The following C4orf36 variants were observed in gnomAD, a reference collection of about 807,000 sequenced individuals.
C4orf36 encodes uncharacterized protein C4orf36.
A neutral mutation model predicts 12.2 loss-of-function variants in C4orf36; 11 were observed. The ratio of observed to expected loss-of-function variants is 0.90; its 90% confidence interval spans 0.57 to 1.49. C4orf36 has a LOEUF of 1.49. Among genes scored for constraint, C4orf36 ranks in the 40% most tolerant of loss-of-function variants. The pLI is 0.00. For synonymous variants in C4orf36, 54 were observed against 51.3 expected, an observed-to-expected ratio of 1.05 and a Z score of -0.22; for missense variants, 137 against 133.9, an observed-to-expected ratio of 1.02 and a Z score of -0.11.
At chr4:86,886,972 G>T (rs13115222) in intron 4 of C4orf36, 1 of 152,054 alleles carries the variant, frequency 6.6e-6, no homozygotes, top group Admixed American at 6.5e-5. Flanking sequence ...AGGGACATGG[G>T]TGAAGCTGGA....
chr4:86,922,759 ACT>A, the C4orf36 span, among the ~76,000 whole-genome samples: 2 of 151,928 alleles, frequency 1.3e-5, no homozygotes, highest in Non-Finnish European at 2.9e-5. Flanking sequence ...TATCTGCAGC[ACT>A]CCAGTGAATT....
At chr4:86,916,209 G>A in the C4orf36 span, among the ~76,000 whole-genome samples, 1 of 152,096 alleles carries the variant, frequency 6.6e-6, no homozygotes, top group African/African-American at 2.4e-5. Flanking sequence ...TGAAACACTG[G>A]TGACAAAGAA....
chr4:86,876,598 G>A lies in C4orf36; in HGVS notation c.*3-155C>T, dbSNP rs1453827115. On this transcript the variant is annotated intron_variant, in intron 4 of 4. Transcript: ENST00000295898. Reference sequence around the variant, plus strand: ...AACCTGCAAAATCTTTACATACACAGAAGAACAGACAGTTCTTCAATGAAC... The same window carrying A: ...AACCTGCAAAATCTTTACATACACAAAAGAACAGACAGTTCTTCAATGAAC... 3 of 1,613,842 alleles carry A rather than the reference G, an allele frequency of 1.9e-6. No homozygotes were observed. In the African/African-American group the frequency reaches 4.0e-5, roughly 22 times the overall value.
chr4:86,895,260 G>T (rs1265843848), upstream of C4orf36, among the ~76,000 whole-genome samples: 1 of 152,016 alleles, frequency 6.6e-6, no homozygotes. Context: ...AGGCTGCTGT[G>T]AGCCATGATC....
the C4orf36 span, among the ~76,000 whole-genome samples, chr4:86,930,852 T>C: frequency 1.3e-5 from 2 of 152,224 alleles, no homozygotes; most frequent in Non-Finnish European, 2.9e-5. Context: ...ATACAGACAG[T>C]TATTTTAATT....
the C4orf36 span, among the ~76,000 whole-genome samples, chr4:86,915,983 C>T: frequency 6.6e-6 from 1 of 152,244 alleles, no homozygotes; most frequent in Non-Finnish European, 1.5e-5. Flanking sequence ...ACAGCATGGC[C>T]TGATGACATT....
At chr4:86,919,119 G>GGA in the C4orf36 span, among the ~76,000 whole-genome samples, 33,399 of 144,994 alleles carry the variant, frequency 0.23, 3,928 homozygotes, top group East Asian at 0.28. Flanking sequence ...CCCAGCTCCA[G>GGA]GAGAGAGAGA....
At chr4:86,876,666 T>C (rs1746935627) in intron 4 of C4orf36, 3 of 1,611,968 alleles carry the variant, frequency 1.9e-6, no homozygotes, top group African/African-American at 2.7e-5. Context: ...ACATACACAG[T>C]GTATCTTTCT....
chr4:86,910,241 C>T, the C4orf36 span, among the ~76,000 whole-genome samples: 18 of 151,742 alleles, frequency 1.2e-4, no homozygotes, highest in African/African-American at 1.7e-4. Flanking sequence ...CAGGAGTTTG[C>T]GTCTCTACTA....
At chr4:86,927,925 G>A in the C4orf36 span, among the ~76,000 whole-genome samples, 1 of 152,200 alleles carries the variant, frequency 6.6e-6, no homozygotes, top group African/African-American at 2.4e-5. Flanking sequence ...TCTGAGAGTG[G>A]AGGTTGCTGT....
At chr4:86,901,283 A>G in the C4orf36 span, among the ~76,000 whole-genome samples, 5 of 151,078 alleles carry the variant, frequency 3.3e-5, no homozygotes, top group Admixed American at 6.6e-5. Flanking sequence ...AGCCCGGCCA[A>G]TGGTTCTCTT....
At chr4:86,879,718 C>T (rs1009752382) in intron 4 of C4orf36, among the ~76,000 whole-genome samples, 6 of 152,106 alleles carry the variant, frequency 3.9e-5, no homozygotes, top group Non-Finnish European at 7.4e-5. Context: ...ACCAAAGTGA[C>T]CCAAACCAAA....
At chr4:86,882,533 C>G (rs1389525445) in intron 4 of C4orf36, among the ~76,000 whole-genome samples, 1 of 152,160 alleles carries the variant, frequency 6.6e-6, no homozygotes, top group Non-Finnish European at 1.5e-5. Context: ...GGAGCTATCA[C>G]AGCCCTCCTG....
At chr4:86,887,601 T>C (rs1578777435) in intron 4 of C4orf36, 157 bp downstream of exon 4, 1 of 701,448 alleles carries the variant, frequency 1.4e-6, no homozygotes, top group South Asian at 2.4e-5. Flanking sequence ...ACTCAGAAGA[T>C]CTGTCAGAAC....
At chr4:86,907,568 C>T in the C4orf36 span, among the ~76,000 whole-genome samples, 1 of 152,112 alleles carries the variant, frequency 6.6e-6, no homozygotes, top group African/African-American at 2.4e-5. Flanking sequence ...TGCTAAATCT[C>T]ATTAAGCTAC....
chr4:86,887,401 C>G (rs1217942400), intron 4 of C4orf36: 10 of 179,102 alleles, frequency 5.6e-5, no homozygotes, highest in Non-Finnish European at 1.0e-4. Context: ...TCTTTTGGTC[C>G]CTCCTTGGGA....
the C4orf36 span, chr4:86,914,068 G>A: frequency 1.1e-5 from 17 of 1,610,524 alleles, no homozygotes; most frequent in African/African-American, 1.3e-5. Context: ...ACTGTGGAGC[G>A]AATTGGCTTT....
At chr4:86,900,038 C>CTT in the C4orf36 span, among the ~76,000 whole-genome samples, 4 of 144,724 alleles carry the variant, frequency 2.8e-5, no homozygotes, top group Non-Finnish European at 1.5e-5. Flanking sequence ...TGATAGGCAG[C>CTT]TTTTTTTTTT....
At chr4:86,901,220 G>A in the C4orf36 span, among the ~76,000 whole-genome samples, 2 of 151,746 alleles carry the variant, frequency 1.3e-5, no homozygotes, top group Admixed American at 6.6e-5. Context: ...GACTTCAAGT[G>A]AGCCACCTGC....
Sources: gnomAD v4.1 joint callset for allele counts (sites outside exome capture counted in the v4.1 genomes callset) on GRCh38, gnomAD v4.1.1 for gene constraint, MANE v1.5 for transcripts, NCBI Gene and HGNC (gene_info 2026-07-23, HGNC 2026-07-21) for gene names.